Variants in GLIS2 observed in about 807,000 individuals in gnomAD.
The protein encoded by GLIS2 is zinc finger protein GLIS2.
Under a neutral mutation model 35.6 loss-of-function variants are expected in GLIS2, and 14 were observed. That is an observed-to-expected ratio of 0.39 (90% confidence interval 0.26 to 0.61). The LOEUF is 0.61. Ranked by LOEUF, GLIS2 falls within the 20% of genes least tolerant of loss-of-function variation. The pLI is 0.48. For synonymous variants in GLIS2, 368 were observed against 325.1 expected, an observed-to-expected ratio of 1.13 and a Z score of -1.42; for missense variants, 675 against 713.4, an observed-to-expected ratio of 0.95 and a Z score of 0.61.
Position 4,332,027 on chromosome 16 carries a change from G to C in GLIS2, c.-66-188G>C, listed in dbSNP as rs777443576. Among the ~76,000 whole-genome samples the C allele has an allele frequency of 6.6e-6, 1 of 152,160 alleles. No homozygotes were observed. Among genetic ancestry groups the C allele is most frequent in the East Asian group, 1.9e-4 (1 of 5,196 alleles). On this transcript the variant is annotated intron_variant, in intron 1 of 6. Transcript: ENST00000433375. This position sits in a 1 kb window ranked among gnomAD's most constrained non-coding sequence, Gnocchi z 5.4. ...CAAGAGACTCATGGGAAGCAGATGC[G>C]GAATCTCTGAGGAGGCTGTTGGCTC...
chr16:4,337,389 C>T lies in GLIS2; in HGVS notation c.1440C>T (p.Leu480=), dbSNP rs777441921. 1.3e-6 allele frequency: 2 copies of T among 1,592,820 alleles called. No individual in the cohort carries two copies. The highest frequency in any genetic ancestry group is 1.7e-5 in the Admixed American group (1 of 58,282). ...SSCSRPSPDG[L]PLLPGTVLDL... ...GCTCCCGGCCAAGCCCCGATGGACT[C>T]CCCCTGCTGCCAGGCACCGTGCTGG... Residue 480 remains leucine (L), a synonymous_variant, in exon 7 of 7, where the codon CTC becomes CTT. Transcript: ENST00000433375.
At chr16:4,317,986 A>G (rs906947975) in intron 1 of GLIS2, among the ~76,000 whole-genome samples, 1 of 151,912 alleles carries the variant, frequency 6.6e-6, no homozygotes, top group African/African-American at 2.4e-5. Context: ...CCCCTGAGTG[A>G]CCCTGGCCCA....
At chr16:4,333,199 A>G in intron 2 of GLIS2, 148 bp from the exon 3 acceptor site, 1 of 855,920 alleles carries the variant, frequency 1.2e-6, no homozygotes, top group Non-Finnish European at 1.9e-6. Context: ...CACACCTGTC[A>G]GCTCCACAGG....
At chr16:4,328,798 C>T (rs190784777) in intron 1 of GLIS2, among the ~76,000 whole-genome samples, 336 of 152,344 alleles carry the variant, frequency 2.2e-3, no homozygotes, top group African/African-American at 7.5e-3. Context: ...CCCCTGCAGG[C>T]CCTAAGAACA....
At position 4,332,168 on chromosome 16, in the gene GLIS2, G is replaced by A. The variant is rs988608163; in HGVS notation, c.-66-47G>A. On this transcript the variant is annotated intron_variant, in intron 1 of 6. Transcript: ENST00000433375. The surrounding 1 kb of genome is among the most constrained non-coding windows in gnomAD (Gnocchi z 5.4). ...GACTGTCATGAGTACAGCCCGAGGA[G>A]AAGCCTGGGGTCTCAGTGCCACAGC... The A allele has an allele frequency of 7.6e-7, 1 of 1,308,120 alleles. No homozygotes were observed. The highest frequency in any genetic ancestry group is 1.1e-6 in the Non-Finnish European group (1 of 936,718). The allele number at this position is 1,308,120 out of a possible 1,614,324, so 81.0% of individuals were successfully genotyped here.
chr16:4,324,230 G>A (rs569700606), intron 1 of GLIS2, among the ~76,000 whole-genome samples: 195 of 152,240 alleles, frequency 1.3e-3, no homozygotes, highest in Middle Eastern at 0.01. Flanking sequence ...TCCCAGGGAC[G>A]GTGAATCCCC....
At chr16:4,315,459 AC>A (rs1303730719), upstream of GLIS2, 2 of 151,582 alleles carry the variant, frequency 1.3e-5, no homozygotes, top group African/African-American at 4.9e-5. Flanking sequence ...GGCCAAGGTG[AC>A]CCCGCGGGAG....
chr16:4,324,895 G>A (rs1182449328), intron 1 of GLIS2: 1 of 152,206 alleles, frequency 6.6e-6, no homozygotes, highest in Admixed American at 6.5e-5. Flanking sequence ...TTCGAGTCCG[G>A]TTCTGTTGCC....
chr16:4,315,735 C>T (rs2053301844), upstream of GLIS2, among the ~76,000 whole-genome samples: 1 of 150,858 alleles, frequency 6.6e-6, no homozygotes, highest in African/African-American at 2.4e-5. Context: ...TTCCCTCCCT[C>T]ACCCCTCCCT....
intron 1 of GLIS2, among the ~76,000 whole-genome samples, chr16:4,318,123 C>T (rs117186000): frequency 8.9e-4 from 136 of 152,296 alleles, no homozygotes; most frequent in East Asian, 3.5e-3. Flanking sequence ...TTCCAGGCAC[C>T]GCTGCTTTTG....
rs1414640542 is a variant in GLIS2 at position 4,337,266 on chromosome 16, T to C, written c.1317T>C (p.Gly439=). The C allele has an allele frequency of 1.3e-6, 2 of 1,549,172 alleles. No individual in the cohort carries two copies. The highest frequency in any genetic ancestry group is 1.7e-6 in the Non-Finnish European group (2 of 1,147,840). ...PVVSLLAGAA[G]GKAEGEKGRG... is the part of the protein sequence containing the mutation. Reference sequence around the variant, plus strand: ...TCTCCCTCCTTGCTGGCGCAGCTGGTGGCAAGGCCGAGGGGGAGAAGGGGC... The same window carrying C: ...TCTCCCTCCTTGCTGGCGCAGCTGGCGGCAAGGCCGAGGGGGAGAAGGGGC... Residue 439 remains glycine (G), a synonymous_variant, in exon 7 of 7, where the codon GGT becomes GGC. Transcript: ENST00000433375.
rs756541821 is a variant in GLIS2 at position 4,332,305 on chromosome 16, G to A, written c.25G>A (p.Asp9Asn). 8 of 1,612,928 alleles carry A rather than the reference G, an allele frequency of 5.0e-6. No individual in the cohort carries two copies. Among genetic ancestry groups the A allele is most frequent in the South Asian group, 2.2e-5 (2 of 91,036 alleles). The change falls in exon 2 of 7, where the codon GAC (aspartate) becomes AAC (asparagine). Residue 9 changes from aspartate to asparagine, a missense_variant. Physicochemically the swap from Asp to Asn is conservative, Grantham distance 23 (BLOSUM62 1). Coordinates refer to ENST00000433375, the MANE Select transcript of GLIS2 (RefSeq NM_032575.3). This position sits in a 1 kb window ranked among gnomAD's most constrained non-coding sequence, Gnocchi z 5.4. ...CATGCACTCCCTGGACGAGCCGCTCGACCTGAAGCTGAGTATCACCAAGCT... is the reference window on the plus strand; with the variant it reads ...CATGCACTCCCTGGACGAGCCGCTCAACCTGAAGCTGAGTATCACCAAGCT... MHSLDEPLDLKLSITKLRA... is the reference protein window; with the variant it reads MHSLDEPLNLKLSITKLRA...
chr16:4,327,548 T>C (rs1442080922), intron 1 of GLIS2, among the ~76,000 whole-genome samples: 1 of 151,890 alleles, frequency 6.6e-6, no homozygotes, highest in Non-Finnish European at 1.5e-5. Context: ...CTACCTGGCC[T>C]GGCCGGGGAC....
At chr16:4,316,931 G>A (rs1467725663) in intron 1 of GLIS2, among the ~76,000 whole-genome samples, 1 of 152,208 alleles carries the variant, frequency 6.6e-6, no homozygotes, top group Non-Finnish European at 1.5e-5. Context: ...GGTGGAGGAG[G>A]GGGCGAGGCA....
rs774339298 is a variant in GLIS2, at chr16:4,337,036, G to C, written c.1087G>C (p.Gly363Arg). Reference sequence around the variant, plus strand: ...CATCCCCAACCCAGCTGCCCTCTTTGGAGGCCCTGGCCTGCCCGGCTTACC... The same window carrying C: ...CATCCCCAACCCAGCTGCCCTCTTTCGAGGCCCTGGCCTGCCCGGCTTACC... ...IIIPNPAALF[G>R]GPGLPGLPLP... Residue 363 changes from glycine to arginine, a missense_variant, in exon 7 of 7, where the codon GGA becomes CGA. Coordinates refer to ENST00000433375, the MANE Select transcript of GLIS2 (RefSeq NM_032575.3). 3 of 1,591,302 alleles carry C rather than the reference G, an allele frequency of 1.9e-6. No individual in the cohort carries two copies. The African/African-American group carries it at 4.0e-5, about 21-fold the overall frequency.
In GLIS2 at chr16:4,339,163, AG is replaced by A. The variant is rs2141137401; in HGVS notation, c.*1643del. ...CAGCCACACTGGCTCTGCCCCTCGA[AG>A]GGGCTATGAGCAAGGTAGGAGGGAG... On this transcript the variant is annotated 3_prime_UTR_variant, in exon 7 of 7. Coordinates refer to ENST00000433375, the MANE Select transcript of GLIS2 (RefSeq NM_032575.3). 1 of 152,512 alleles carries A rather than the reference AG, an allele frequency of 6.6e-6. No individual in the cohort carries two copies. The highest frequency in any genetic ancestry group is 2.1e-4 in the South Asian group (1 of 4,834). 9.4% of individuals were successfully genotyped at this position (152,512 alleles called of 1,614,324 possible).
At position 4,332,067 on chromosome 16, in the gene GLIS2, C is replaced by A. The variant is rs2053502058; in HGVS notation, c.-66-148C>A. 2 of 650,744 alleles carry A rather than the reference C, an allele frequency of 3.1e-6. No individual in the cohort carries two copies. The highest frequency in any genetic ancestry group is 4.4e-5 in the Admixed American group (2 of 45,172). 40.3% of individuals were successfully genotyped at this position (650,744 alleles called of 1,614,324 possible). ...GCTGTTGGCTCTCCCCCCATGATAG[C>A]TGCCGGCCAGGTCGCTCGGAGGGTC... On this transcript the variant is annotated intron_variant, in intron 1 of 6. Coordinates refer to ENST00000433375, the MANE Select transcript of GLIS2 (RefSeq NM_032575.3). The surrounding 1 kb of genome is among the most constrained non-coding windows in gnomAD (Gnocchi z 5.4).
In GLIS2 at chr16:4,335,898, C is replaced by T. The variant is rs538135033; in HGVS notation, c.775+505C>T. The T allele has an allele frequency of 2.6e-5, 5 of 189,642 alleles. No homozygotes were observed. The highest frequency in any genetic ancestry group is 5.6e-5 in the Non-Finnish European group (5 of 89,732). 11.7% of individuals were successfully genotyped at this position (189,642 alleles called of 1,614,324 possible). A position where few individuals can be genotyped will look rare whatever the true frequency, so the allele number is the denominator to read the frequency against. On this transcript the variant is annotated intron_variant, in intron 6 of 6. Coordinates refer to ENST00000433375, the MANE Select transcript of GLIS2 (RefSeq NM_032575.3). The surrounding 1 kb of genome is among the most constrained non-coding windows in gnomAD (Gnocchi z 4.6). ...GATATTGAAGTTCTTCATTTCATGACAAAGCCTCAAGGAGCTGATGTGTAT... is the reference window on the plus strand; with the variant it reads ...GATATTGAAGTTCTTCATTTCATGATAAAGCCTCAAGGAGCTGATGTGTAT...
Position 4,320,210 on chromosome 16 carries a change from C to A in GLIS2, c.-67+3956C>A, listed in dbSNP as rs1487427094. On this transcript the variant is annotated intron_variant, in intron 1 of 6. Coordinates refer to ENST00000433375, the MANE Select transcript of GLIS2 (RefSeq NM_032575.3). This position sits in a 1 kb window ranked among gnomAD's most constrained non-coding sequence, Gnocchi z 5.6. ...CCGGGGAAGGGACGGAGACCCAGCCCTGGCCCCTTCCTCCAGTCATGGCCA... is the reference window on the plus strand; with the variant it reads ...CCGGGGAAGGGACGGAGACCCAGCCATGGCCCCTTCCTCCAGTCATGGCCA... 1.3e-5 allele frequency among the ~76,000 whole-genome samples: 2 copies of A among 152,148 alleles called. No homozygotes were observed. The highest frequency in any genetic ancestry group is 3.9e-4 in the East Asian group (2 of 5,176).
Sources: gnomAD v4.1 joint callset for allele counts (sites outside exome capture counted in the v4.1 genomes callset) on GRCh38, gnomAD v4.1.1 for gene constraint, Gnocchi (gnomAD v3.1) non-coding constraint, MANE v1.5 for transcripts, NCBI Gene and HGNC (gene_info 2026-07-23, HGNC 2026-07-21) for gene names.